ZNF385D: variants seen among roughly 807,000 people sequenced by gnomAD.
The protein encoded by ZNF385D is zinc finger protein 659.
In ZNF385D, 15 loss-of-function variants were observed where a neutral mutation model predicts 35.8. The ratio of observed to expected loss-of-function variants is 0.42; its 90% CI spans 0.28 to 0.64. ZNF385D has a LOEUF of 0.64. ZNF385D is among the 30% of genes least tolerant of loss of function. The pLI is 0.23. For missense variants in ZNF385D, 474 were observed against 494.6 expected (o/e 0.96, Z 0.39); for synonymous variants, 212 against 186.8 (o/e 1.13, Z -1.10).
At chr3:22,297,124 T>C (rs1328171444) in intron 2 of ZNF385D, among the ~76,000 whole-genome samples, 1 of 152,090 alleles carries the variant, frequency 6.6e-6, no homozygotes, top group Non-Finnish European at 1.5e-5. Flanking sequence ...TTGAAAAATA[T>C]AATCTCCTAA....
chr3:22,220,250 A>C (rs1698171522), intron 2 of ZNF385D, among the ~76,000 whole-genome samples: 1 of 151,982 alleles, frequency 6.6e-6, no homozygotes, highest in African/African-American at 2.4e-5. Flanking sequence ...GTTTTCATAG[A>C]GACAAGATCT....
chr3:22,247,899 G>A (rs991942490), intron 2 of ZNF385D, among the ~76,000 whole-genome samples: 4 of 151,956 alleles, frequency 2.6e-5, no homozygotes, highest in East Asian at 1.9e-4. Flanking sequence ...CACCACGCCC[G>A]GCCTACAATT....
At chr3:22,113,767 C>A (rs1034259426) in intron 3 of ZNF385D, among the ~76,000 whole-genome samples, 1 of 151,968 alleles carries the variant, frequency 6.6e-6, no homozygotes, top group Non-Finnish European at 1.5e-5. Flanking sequence ...GGGTGAATCA[C>A]GAGTCAGGAG....
chr3:22,343,445 G>C (rs1045240182), intron 2 of ZNF385D, among the ~76,000 whole-genome samples: 1 of 152,178 alleles, frequency 6.6e-6, no homozygotes, highest in Admixed American at 6.5e-5. Flanking sequence ...GGAACTGGAG[G>C]GATACACAGG....
intron 3 of ZNF385D, among the ~76,000 whole-genome samples, chr3:21,937,866 A>G (rs965613806): frequency 6.6e-6 from 1 of 152,220 alleles, no homozygotes; most frequent in Non-Finnish European, 1.5e-5. Context: ...AGTAGCCTCT[A>G]TAACATAAGC....
rs189287183 is a variant in ZNF385D, at chr3:22,289,795, C to T, written c.106+82655G>A. Among the ~76,000 whole-genome samples the T allele has an allele frequency of 4.0e-3, 614 of 152,146 alleles. 9 individuals carry two copies. The South Asian group carries it at 0.048, about 12-fold the overall frequency. ...TGCACCAATGCCTTCCAGGAGTAAT[C>T]GATAGACCTGGATTTACCCCTGGGA... On this transcript the variant is annotated intron_variant, in intron 2 of 5. Coordinates refer to the ZNF385D transcript ENST00000494108.
rs1166394893 is a variant in ZNF385D, at chr3:21,560,276, T to G, written c.276+4298A>C. Among the ~76,000 whole-genome samples the G allele has an allele frequency of 2.0e-5, 3 of 152,244 alleles. No homozygotes were observed. In the East Asian group the frequency reaches 5.8e-4, roughly 29 times the overall value. On this transcript the variant is annotated intron_variant, in intron 3 of 7. Coordinates refer to ENST00000281523, the MANE Select transcript of ZNF385D (RefSeq NM_024697.3). The stretch of plus-strand genomic sequence containing the variant: ...GAATTTTCAGCCTTTTTGGGCTGGT[T>G]TCTCCCCATCTTCGTGGATTCATCT...
At chr3:21,851,612 G>C (rs185789274) in intron 3 of ZNF385D, among the ~76,000 whole-genome samples, 15 of 151,908 alleles carry the variant, frequency 9.9e-5, no homozygotes, top group Non-Finnish European at 1.9e-4. Context: ...ATATCTTGTG[G>C]TCATGACTCC....
intron 2 of ZNF385D, among the ~76,000 whole-genome samples, chr3:22,188,206 G>C (rs1379670948): frequency 6.6e-6 from 1 of 152,124 alleles, no homozygotes; most frequent in Non-Finnish European, 1.5e-5. Flanking sequence ...CAAAGCATTA[G>C]ATTTATTTTA....
chr3:22,112,447 G>T (rs1285452136), intron 3 of ZNF385D, among the ~76,000 whole-genome samples: 1 of 151,904 alleles, frequency 6.6e-6, no homozygotes, highest in African/African-American at 2.4e-5. Context: ...GACAGCGGTG[G>T]GTGACAGCAT....
chr3:21,603,734 TTAGC>T, intron 2 of ZNF385D, among the ~76,000 whole-genome samples: 1 of 152,166 alleles, frequency 6.6e-6, no homozygotes, highest in Non-Finnish European at 1.5e-5. Flanking sequence ...CTATGGATAC[TTAGC>T]TAGTTGATGG....
At position 21,418,229 on chromosome 3, in the gene ZNF385D, T is replaced by A. The variant is rs73820939; in HGVS notation, c.*2985A>T. ...ATGCATGGGAAGGAATGTAAAACCA[T>A]AAAGTCAGACCACCCTCAGGGATTT... On this transcript the variant is annotated 3_prime_UTR_variant, in exon 8 of 8. Coordinates refer to ENST00000281523, the MANE Select transcript of ZNF385D (RefSeq NM_024697.3). 1 of 152,110 alleles carries A rather than the reference T, an allele frequency of 6.6e-6. No individual in the cohort carries two copies. The highest frequency in any genetic ancestry group is 2.4e-5 in the African/African-American group (1 of 41,436). The allele number at this position is 152,110 out of a possible 1,614,324, so 9.4% of individuals were successfully genotyped here.
intron 2 of ZNF385D, among the ~76,000 whole-genome samples, chr3:21,653,982 A>G (rs1245207522): frequency 1.3e-5 from 2 of 152,030 alleles, no homozygotes; most frequent in Non-Finnish European, 1.5e-5. Context: ...GTTCTAAAGA[A>G]CATAAAGATG....
intron 3 of ZNF385D, among the ~76,000 whole-genome samples, chr3:21,835,477 G>A (rs1043427281): frequency 1.3e-5 from 2 of 150,238 alleles, no homozygotes; most frequent in African/African-American, 4.9e-5. Flanking sequence ...CAGGAATGTG[G>A]TAAACACATG....
At chr3:21,450,883 A>T (rs962767584) in intron 4 of ZNF385D, among the ~76,000 whole-genome samples, 2 of 152,294 alleles carry the variant, frequency 1.3e-5, no homozygotes, top group Non-Finnish European at 2.9e-5. Flanking sequence ...CACTGGTAAG[A>T]GTTTCCTTTC....
intron 4 of ZNF385D, among the ~76,000 whole-genome samples, chr3:21,471,979 T>G (rs1299388560): frequency 6.6e-6 from 1 of 152,128 alleles, no homozygotes; most frequent in African/African-American, 2.4e-5. Flanking sequence ...GGGAGAAAAT[T>G]TGTGTTTATG....
chr3:21,910,090 C>G (rs1195215256), intron 3 of ZNF385D, among the ~76,000 whole-genome samples: 1 of 151,784 alleles, frequency 6.6e-6, no homozygotes, highest in Non-Finnish European at 1.5e-5. Context: ...ATTTTACACA[C>G]ACACACACAC....
At chr3:21,930,623 G>T (rs1307205330) in intron 3 of ZNF385D, among the ~76,000 whole-genome samples, 1 of 151,994 alleles carries the variant, frequency 6.6e-6, no homozygotes, top group Non-Finnish European at 1.5e-5. Flanking sequence ...TATGACAATG[G>T]CATAAGGAAA....
intron 4 of ZNF385D, among the ~76,000 whole-genome samples, chr3:21,488,112 TA>T (rs766735888): frequency 2.0e-5 from 3 of 152,044 alleles, no homozygotes; most frequent in Non-Finnish European, 4.4e-5. Context: ...CTTTTGGATA[TA>T]TTTTTTTTTA....
Sources: allele counts gnomAD v4.1 joint callset (sites outside exome capture counted in the v4.1 genomes callset), GRCh38; gene constraint gnomAD v4.1.1; transcripts MANE v1.5; gene names NCBI Gene and HGNC (gene_info 2026-07-23, HGNC 2026-07-21).